Variants in KPNA6 observed in about 807,000 individuals in gnomAD.
The protein encoded by KPNA6 is importin subunit alpha-7.
In KPNA6, 9 loss-of-function variants were observed where a neutral mutation model predicts 72.0. The ratio of observed to expected loss-of-function variants is 0.13; its 90% confidence interval spans 0.08 to 0.22. The LOEUF (loss-of-function observed/expected upper bound fraction) is 0.22, where lower values mean the gene tolerates loss of function less well. Ranked by LOEUF, KPNA6 falls within the 10% of genes least tolerant of loss-of-function variation. The pLI is 1.00. For synonymous variants in KPNA6, 219 were observed against 242.1 expected (o/e 0.90, Z 0.89); for missense variants, 374 against 655.7 (o/e 0.57, Z 4.69).
At chr1:32,117,178 GT>G (rs1204898617) in intron 1 of KPNA6, among the ~76,000 whole-genome samples, 31 of 141,260 alleles carry the variant, frequency 2.2e-4, no homozygotes, top group Non-Finnish European at 2.0e-4. Context: ...GTTTTTTTTT[GT>G]TTTTTTTTTT....
Position 32,172,804 on chromosome 1 carries a change from C to A in KPNA6, c.*1910C>A. 3.3e-6 allele frequency: 1 copy of A among 300,414 alleles called. No homozygotes were observed. The highest frequency in any genetic ancestry group is 1.6e-4 in the South Asian group (1 of 6,128). 18.6% of individuals were successfully genotyped at this position (300,414 alleles called of 1,614,324 possible). A position where few individuals can be genotyped will look rare whatever the true frequency, so the allele number is the denominator to read the frequency against. ...CAGAGGCATCCTGCTCCAAGCTCTGCTTTTCCTTCCTCTGAAACAATGCCA... is the reference window on the plus strand; with the variant it reads ...CAGAGGCATCCTGCTCCAAGCTCTGATTTTCCTTCCTCTGAAACAATGCCA... On this transcript the variant is annotated 3_prime_UTR_variant, in exon 14 of 14. Coordinates refer to ENST00000373625, the MANE Select transcript of KPNA6 (RefSeq NM_012316.5).
intron 1 of KPNA6, among the ~76,000 whole-genome samples, chr1:32,113,479 T>A (rs1222915844): frequency 2.6e-5 from 4 of 152,008 alleles, no homozygotes; most frequent in Non-Finnish European, 5.9e-5. Context: ...TAAGACAGGG[T>A]CTCACTCTGT....
chr1:32,165,654 A>G (rs527407637), intron 10 of KPNA6, among the ~76,000 whole-genome samples: 3 of 152,106 alleles, frequency 2.0e-5, no homozygotes, highest in Non-Finnish European at 4.4e-5. Flanking sequence ...GTAAGCCATG[A>G]TCATGCCACT....
At chr1:32,128,422 T>C (rs1257455751) in intron 1 of KPNA6, among the ~76,000 whole-genome samples, 2,732 of 118,404 alleles carry the variant, frequency 0.023, 151 homozygotes, top group Admixed American at 0.095. Flanking sequence ...TATATATATA[T>C]ATATACACAC....
intron 1 of KPNA6, among the ~76,000 whole-genome samples, chr1:32,114,037 A>G (rs1483549125): frequency 6.6e-6 from 1 of 152,144 alleles, no homozygotes. Flanking sequence ...TTGACTTCTT[A>G]TGAATCGTGA....
chr1:32,132,360 G>A (rs933828646), intron 1 of KPNA6, among the ~76,000 whole-genome samples: 1 of 152,170 alleles, frequency 6.6e-6, no homozygotes, highest in Non-Finnish European at 1.5e-5. Flanking sequence ...GTGCTGTGGT[G>A]TGATCACAGC....
At chr1:32,133,116 G>C (rs111436976) in intron 1 of KPNA6, among the ~76,000 whole-genome samples, 2,499 of 152,196 alleles carry the variant, frequency 0.016, 66 homozygotes, top group African/African-American at 0.056. Context: ...GGCTAAGGCA[G>C]GCAGATCACT....
At position 32,155,110 on chromosome 1, in the gene KPNA6, C is replaced by CA. The variant is rs144040035; in HGVS notation, c.138+412dup. Among the ~76,000 whole-genome samples, 418 of 54,006 alleles carry CA rather than the reference C, an allele frequency of 7.7e-3. 6 individuals carry two copies. The highest frequency in any genetic ancestry group is 0.018 in the Middle Eastern group (1 of 56). The allele number at this position is 54,006 out of a possible 152,430, so 35.4% of individuals were successfully genotyped here. On this transcript the variant is annotated intron_variant, in intron 2 of 13. Transcript: ENST00000373625. ...GGGCAACAAGAGTGAAACTCCATCTCAAAAAAAAAAAAAAAAAAAAAAAGA... is the reference window on the plus strand; with the variant it reads ...GGGCAACAAGAGTGAAACTCCATCTCAAAAAAAAAAAAAAAAAAAAAAAAGA...
At chr1:32,153,669 T>C (rs1284377365) in intron 1 of KPNA6, among the ~76,000 whole-genome samples, 1 of 151,900 alleles carries the variant, frequency 6.6e-6, no homozygotes, top group Non-Finnish European at 1.5e-5. Flanking sequence ...ACATGAAATC[T>C]AACCTCATTA....
At chr1:32,113,270 G>GT (rs1302880648) in intron 1 of KPNA6, among the ~76,000 whole-genome samples, 2 of 151,958 alleles carry the variant, frequency 1.3e-5, no homozygotes, top group Non-Finnish European at 2.9e-5. Context: ...GCGCGTGACT[G>GT]TAGTCCCAGC....
intron 1 of KPNA6, among the ~76,000 whole-genome samples, chr1:32,112,120 A>G (rs950629621): frequency 6.6e-5 from 10 of 152,186 alleles, no homozygotes; most frequent in African/African-American, 2.2e-4. Flanking sequence ...AAGCCTGGGG[A>G]ACTTGTGGAG....
chr1:32,159,274 GT>G, intron 5 of KPNA6, 125 bp from the exon 6 acceptor site: 1 of 941,554 alleles, frequency 1.1e-6, no homozygotes, highest in East Asian at 2.5e-5. Context: ...GCTTGCTTGT[GT>G]TTTGTGAGGT....
intron 6 of KPNA6, among the ~76,000 whole-genome samples, chr1:32,160,041 A>G (rs1402654344): frequency 6.6e-6 from 1 of 152,196 alleles, no homozygotes; most frequent in Admixed American, 6.5e-5. Context: ...GCTCACGCCT[A>G]TAATCCCAGC....
chr1:32,165,632 G>C (rs2124088344), intron 10 of KPNA6, among the ~76,000 whole-genome samples: 1 of 152,220 alleles, frequency 6.6e-6, no homozygotes, highest in South Asian at 2.1e-4. Context: ...AGACTGGGAG[G>C]TCAAGGCTGC....
chr1:32,109,450 G>A (rs1033308482), intron 1 of KPNA6, among the ~76,000 whole-genome samples: 8 of 151,922 alleles, frequency 5.3e-5, no homozygotes, highest in Admixed American at 1.3e-4. Flanking sequence ...GGGATTACAG[G>A]TGTGAGCCAC....
rs111581712 is a variant in KPNA6, at chr1:32,139,147, A to C, written c.5-15441A>C. Among the ~76,000 whole-genome samples the C allele has an allele frequency of 3.2e-3, 492 of 152,310 alleles. 2 individuals carry two copies. The highest frequency in any genetic ancestry group is 0.011 in the African/African-American group (448 of 41,574). ...CGATGAGTATATAATAAATATTTGAATGGTGATTCACTCGACAAATATTTG... is the reference window on the plus strand; with the variant it reads ...CGATGAGTATATAATAAATATTTGACTGGTGATTCACTCGACAAATATTTG... On this transcript the variant is annotated intron_variant, in intron 1 of 13. Coordinates refer to ENST00000373625, the MANE Select transcript of KPNA6 (RefSeq NM_012316.5).
intron 1 of KPNA6, among the ~76,000 whole-genome samples, chr1:32,111,240 G>A (rs1191492311): frequency 6.6e-6 from 1 of 152,098 alleles, no homozygotes; most frequent in South Asian, 2.1e-4. Flanking sequence ...AAACTGTCTC[G>A]GAGAAGATAA....
In KPNA6 at chr1:32,170,863, C is replaced by G; in HGVS notation, c.1580C>G (p.Pro527Arg). 6.2e-7 allele frequency: 1 copy of G among 1,614,232 alleles called. No individual in the cohort carries two copies. Among genetic ancestry groups the G allele is most frequent in the Non-Finnish European group, 8.5e-7 (1 of 1,180,040 alleles). ...CAACAGCAGTTCATCTTCCAGCAGC[C>G]TGAGGCCCCCATGGAGGGCTTCCAG... ...ETQQQFIFQQ[P>R]EAPMEGFQL The change falls in exon 14 of 14, where the codon CCT becomes CGT. Residue 527 changes from proline to arginine, a missense_variant. This residue lies in a region of KPNA6 where 42 missense variants were observed against 49.8 expected (regional missense o/e 0.84). Transcript: ENST00000373625.
At chr1:32,147,598 T>A (rs1205158265) in intron 1 of KPNA6, among the ~76,000 whole-genome samples, 1 of 150,770 alleles carries the variant, frequency 6.6e-6, no homozygotes, top group Non-Finnish European at 1.5e-5. Flanking sequence ...GAACCCAGCC[T>A]CTTTTCGGCA....
Sources: allele counts gnomAD v4.1 joint callset (sites outside exome capture counted in the v4.1 genomes callset), GRCh38; gene constraint gnomAD v4.1.1; regional missense constraint gnomAD v4.1.1; transcripts MANE v1.5; gene names NCBI Gene and HGNC (gene_info 2026-07-23, HGNC 2026-07-21).